OR6N1: variants seen among roughly 807,000 people sequenced by gnomAD.
The protein encoded by OR6N1 is olfactory receptor family 6 subfamily N member 1.
For synonymous variants in OR6N1, 170 were observed against 150.7 expected, an observed-to-expected ratio of 1.13 and a Z score of -0.94; for missense variants, 394 against 371.7, an observed-to-expected ratio of 1.06 and a Z score of -0.49.
At chr1:158,780,133 C>G in the OR6N1 span, among the ~76,000 whole-genome samples, 3 of 152,168 alleles carry the variant, frequency 2.0e-5, no homozygotes, top group Non-Finnish European at 4.4e-5. Flanking sequence ...TTTAGTCTGG[C>G]CTCAACTTTC....
rs857825 is a variant in OR6N1, at chr1:158,765,901, T to C, written c.782A>G (p.Gln261Arg). 1,143,909 of 1,613,410 alleles carry C rather than the reference T, an allele frequency of 0.71. 409,937 individuals carry two copies. Among genetic ancestry groups the C allele is most frequent in the Admixed American group, 0.78 (46,817 of 60,000 alleles). The stretch of plus-strand genomic sequence containing the variant: ...GTCCAGTGAGTAGCTCTTCTTCAGC[T>C]GCACATACATGGAAAGGATGCTCCC... ...FYGSILSMYV[Q>R]LKKSYSLDYD... The change falls in exon 2 of 2, where the codon CAG becomes CGG. Residue 261 changes from glutamine to arginine, a missense_variant. Physicochemically the swap from Gln to Arg is conservative, Grantham distance 43 (BLOSUM62 1). Transcript: ENST00000641846.
At chr1:158,808,176 C>T in the OR6N1 span, among the ~76,000 whole-genome samples, 434 of 132,650 alleles carry the variant, frequency 3.3e-3, 1 homozygote, top group Non-Finnish European at 5.5e-3. Flanking sequence ...CTTGCTCTGT[C>T]GCCCAGGCTG....
chr1:158,776,064 G>C (rs1426316191), upstream of OR6N1: 1 of 152,128 alleles, frequency 6.6e-6, no homozygotes, highest in African/African-American at 2.4e-5. Flanking sequence ...GAGTATCTAG[G>C]GAGATAGCAC....
At chr1:158,769,974 ACTT>A (rs1197586244) in intron 1 of OR6N1, among the ~76,000 whole-genome samples, 9 of 152,058 alleles carry the variant, frequency 5.9e-5, no homozygotes, top group African/African-American at 1.9e-4. Flanking sequence ...CTAAATTTCT[ACTT>A]CTTCTCAGAC....
chr1:158,811,521 C>T, the OR6N1 span, among the ~76,000 whole-genome samples: 2 of 152,134 alleles, frequency 1.3e-5, no homozygotes, highest in African/African-American at 2.4e-5. Context: ...TCATAAAAGC[C>T]TTATGGTCAG....
intron 1 of OR6N1, among the ~76,000 whole-genome samples, chr1:158,770,359 C>T (rs1216694110): frequency 6.6e-6 from 1 of 152,186 alleles, no homozygotes; most frequent in African/African-American, 2.4e-5. Flanking sequence ...GGAAAACTAG[C>T]ACCCCCAACT....
chr1:158,778,684 G>A, the OR6N1 span, among the ~76,000 whole-genome samples: 1 of 152,138 alleles, frequency 6.6e-6, no homozygotes, highest in Non-Finnish European at 1.5e-5. Context: ...ATGGCTGACA[G>A]GAAGATGGGT....
chr1:158,816,092 A>T, the OR6N1 span, among the ~76,000 whole-genome samples: 2 of 151,064 alleles, frequency 1.3e-5, no homozygotes, highest in African/African-American at 2.4e-5. Context: ...CAGGAGGTGG[A>T]TCTTGCAGTG....
At chr1:158,825,305 G>T in the OR6N1 span, among the ~76,000 whole-genome samples, 1 of 152,060 alleles carries the variant, frequency 6.6e-6, no homozygotes, top group South Asian at 2.1e-4. Context: ...CAGGCATGGT[G>T]GTGGGCGCCT....
At chr1:158,788,413 A>G in the OR6N1 span, among the ~76,000 whole-genome samples, 3 of 152,274 alleles carry the variant, frequency 2.0e-5, no homozygotes, top group South Asian at 6.2e-4. Context: ...GCAAGACATT[A>G]TTTAGTAGAT....
the OR6N1 span, among the ~76,000 whole-genome samples, chr1:158,778,110 G>T: frequency 1.3e-5 from 2 of 152,036 alleles, no homozygotes; most frequent in African/African-American, 4.8e-5. Flanking sequence ...GTGAATTTTG[G>T]GTATGAGATT....
At chr1:158,819,484 A>G in the OR6N1 span, among the ~76,000 whole-genome samples, 1 of 152,156 alleles carries the variant, frequency 6.6e-6, no homozygotes, top group African/African-American at 2.4e-5. Flanking sequence ...TTTTTGAACT[A>G]TGATAAATGA....
chr1:158,794,355 T>A, the OR6N1 span, among the ~76,000 whole-genome samples: 1 of 152,150 alleles, frequency 6.6e-6, no homozygotes, highest in South Asian at 2.1e-4. Flanking sequence ...ACTTAAGGCC[T>A]GCAATATGGC....
chr1:158,818,301 T>C, the OR6N1 span, among the ~76,000 whole-genome samples: 1 of 152,154 alleles, frequency 6.6e-6, no homozygotes, highest in African/African-American at 2.4e-5. Context: ...CACTCAATAG[T>C]TTTACTGGTA....
chr1:158,820,697 T>C, the OR6N1 span, among the ~76,000 whole-genome samples: 1 of 152,148 alleles, frequency 6.6e-6, no homozygotes, highest in Non-Finnish European at 1.5e-5. Context: ...GAGTGCCCCT[T>C]CAGAAGTCCT....
At chr1:158,772,555 A>G (rs892190015), upstream of OR6N1, among the ~76,000 whole-genome samples, 1 of 152,242 alleles carries the variant, frequency 6.6e-6, no homozygotes, top group Non-Finnish European at 1.5e-5. Context: ...TCTTTATAAA[A>G]TTTGACTGAC....
the OR6N1 span, among the ~76,000 whole-genome samples, chr1:158,816,661 C>T: frequency 6.6e-6 from 1 of 152,222 alleles, no homozygotes; most frequent in Admixed American, 6.5e-5. Flanking sequence ...TGCACTCCAG[C>T]CTGGGTGACA....
chr1:158,779,707 C>T, the OR6N1 span, among the ~76,000 whole-genome samples: 504 of 152,312 alleles, frequency 3.3e-3, no homozygotes, highest in Non-Finnish European at 5.1e-3. Flanking sequence ...CATTACATTT[C>T]CTTTGCTTCT....
chr1:158,802,468 C>T, the OR6N1 span, among the ~76,000 whole-genome samples: 60 of 151,994 alleles, frequency 3.9e-4, 1 homozygote, highest in Admixed American at 3.9e-3. Context: ...TTGGCCTCCC[C>T]GTCATAGCTT....
Sources: allele counts gnomAD v4.1 joint callset (sites outside exome capture counted in the v4.1 genomes callset), GRCh38; gene constraint gnomAD v4.1.1; transcripts MANE v1.5; gene names NCBI Gene and HGNC (gene_info 2026-07-23, HGNC 2026-07-21).